MACROD2: variants seen among roughly 807,000 people sequenced by gnomAD.
MACROD2 encodes the protein mono-ADP ribosylhydrolase 2, also known as ADP-ribose glycohydrolase MACROD2.
In MACROD2, 36 loss-of-function variants were observed where a neutral mutation model predicts 70.4. That is an observed-to-expected ratio of 0.51 (90% confidence interval 0.39 to 0.68). The LOEUF is 0.68. Ranked by LOEUF, MACROD2 falls within the 30% of genes least tolerant of loss-of-function variation. MACROD2 has a pLI of 0.00. For missense variants in MACROD2, 496 were observed against 538.4 expected, an observed-to-expected ratio of 0.92 and a Z score of 0.78; for synonymous variants, 172 against 178.8, an observed-to-expected ratio of 0.96 and a Z score of 0.30.
At chr20:15,695,646 T>C (rs892764630) in intron 8 of MACROD2, among the ~76,000 whole-genome samples, 1 of 152,146 alleles carries the variant, frequency 6.6e-6, no homozygotes, top group African/African-American at 2.4e-5. Flanking sequence ...CCTGACCTCG[T>C]GATCCACCCG....
At chr20:14,710,501 T>A (rs1001530706) in intron 5 of MACROD2, among the ~76,000 whole-genome samples, 9 of 152,220 alleles carry the variant, frequency 5.9e-5, no homozygotes, top group Admixed American at 5.2e-4. Flanking sequence ...ATGGAACTTG[T>A]TATCACCACG....
At chr20:14,482,024 A>C (rs564110365) in intron 3 of MACROD2, among the ~76,000 whole-genome samples, 21 of 152,342 alleles carry the variant, frequency 1.4e-4, no homozygotes, top group Admixed American at 6.5e-4. Flanking sequence ...TTGGTGATTC[A>C]GAGCATAACT....
chr20:14,900,684 G>A (rs990542202), intron 5 of MACROD2, among the ~76,000 whole-genome samples: 1 of 151,668 alleles, frequency 6.6e-6, no homozygotes, highest in Admixed American at 6.6e-5. Flanking sequence ...TTTAGTAATT[G>A]AGCCCTTTTT....
At chr20:14,523,010 A>G (rs2085187527) in intron 4 of MACROD2, among the ~76,000 whole-genome samples, 1 of 152,166 alleles carries the variant, frequency 6.6e-6, no homozygotes, top group Non-Finnish European at 1.5e-5. Flanking sequence ...GAATTTCTCA[A>G]CTGTCTTATC....
At chr20:14,337,182 C>A (rs912019116) in intron 3 of MACROD2, among the ~76,000 whole-genome samples, 5 of 152,196 alleles carry the variant, frequency 3.3e-5, no homozygotes, top group Non-Finnish European at 7.3e-5. Context: ...TAGCCACTTA[C>A]TATCTTTTAT....
intron 5 of MACROD2, among the ~76,000 whole-genome samples, chr20:14,794,041 AGC>A (rs1254892603): frequency 6.6e-6 from 1 of 152,070 alleles, no homozygotes; most frequent in Admixed American, 6.6e-5. Context: ...AGCATCACAG[AGC>A]CAGGAATAGA....
Position 16,041,265 on chromosome 20 carries a change from T to C in MACROD2, c.1218T>C (p.Thr406=). ...AAGGCTCCAGTGACCTAGAAAATAC[T>C]CCAGGTCCTGATGGTAAGGTTCTGA... ...KSEGSSDLEN[T]PGPDVEMNSQ... is the part of the protein sequence containing the mutation. Residue 406 remains threonine, a synonymous_variant, in exon 16 of 18, where the codon ACT becomes ACC. Transcript: ENST00000684519. 2 of 1,611,946 alleles carry C rather than the reference T, an allele frequency of 1.2e-6. No individual in the cohort carries two copies. Among genetic ancestry groups the C allele is most frequent in the Non-Finnish European group, 1.7e-6 (2 of 1,178,810 alleles).
intron 5 of MACROD2, among the ~76,000 whole-genome samples, chr20:14,848,085 G>T (rs1252460011): frequency 6.6e-6 from 1 of 152,178 alleles, no homozygotes; most frequent in Non-Finnish European, 1.5e-5. Context: ...AAATACAAGA[G>T]ATGCAGCTAA....
At chr20:14,729,945 G>A (rs2071575101) in intron 5 of MACROD2, among the ~76,000 whole-genome samples, 1 of 152,004 alleles carries the variant, frequency 6.6e-6, no homozygotes, top group African/African-American at 2.4e-5. Flanking sequence ...CTTAAGAGGT[G>A]AGAGACTATA....
chr20:14,325,678 A>G lies in MACROD2; in HGVS notation c.272-167801A>G, dbSNP rs554650400. On this transcript the variant is annotated intron_variant, in intron 3 of 17. Transcript: ENST00000684519. ...ATTAGGAGGAAATATGGTGTGTATTACAAACTCCTCCTTCGAGATGGGTTC... is the reference window on the plus strand; with the variant it reads ...ATTAGGAGGAAATATGGTGTGTATTGCAAACTCCTCCTTCGAGATGGGTTC... The G allele has an allele frequency of 1.9e-5, 30 of 1,613,730 alleles. No homozygotes were observed. Among genetic ancestry groups the G allele is most frequent in the Non-Finnish European group, 2.0e-5 (24 of 1,179,804 alleles).
chr20:15,769,263 T>A (rs1274951615), intron 8 of MACROD2, among the ~76,000 whole-genome samples: 1 of 152,178 alleles, frequency 6.6e-6, no homozygotes, highest in Non-Finnish European at 1.5e-5. Flanking sequence ...TTCTCCTGCC[T>A]CAGCCTCTCG....
At chr20:15,601,276 G>T (rs142188472) in intron 8 of MACROD2, among the ~76,000 whole-genome samples, 2 of 152,090 alleles carry the variant, frequency 1.3e-5, no homozygotes, top group Non-Finnish European at 2.9e-5. Flanking sequence ...CCTCTCAGGA[G>T]CTCCTCTGTG....
chr20:15,649,170 TTC>T (rs1179043039), intron 8 of MACROD2, among the ~76,000 whole-genome samples: 1 of 144,432 alleles, frequency 6.9e-6, no homozygotes, highest in Non-Finnish European at 1.5e-5. Context: ...CTTTCTCTCT[TTC>T]TCTTTCTCCT....
chr20:14,933,613 G>A (rs1261813262), intron 5 of MACROD2, among the ~76,000 whole-genome samples: 5 of 150,718 alleles, frequency 3.3e-5, no homozygotes, highest in Non-Finnish European at 5.9e-5. Context: ...CTGGGTGACA[G>A]AGTGAGACCC....
At chr20:14,540,441 TA>T (rs1200034880) in intron 4 of MACROD2, among the ~76,000 whole-genome samples, 2 of 152,184 alleles carry the variant, frequency 1.3e-5, no homozygotes, top group Admixed American at 1.3e-4. Context: ...ATTTTTATAT[TA>T]AACAGAAAAA....
intron 8 of MACROD2, among the ~76,000 whole-genome samples, chr20:15,697,788 G>A (rs2050397430): frequency 1.3e-5 from 2 of 152,148 alleles, no homozygotes; most frequent in South Asian, 4.1e-4. Context: ...GTTAGACAAG[G>A]CCTTTTGCCA....
intron 5 of MACROD2, among the ~76,000 whole-genome samples, chr20:15,049,380 A>G (rs1426453152): frequency 6.6e-6 from 1 of 152,124 alleles, no homozygotes; most frequent in Non-Finnish European, 1.5e-5. Context: ...ATGTCTTTCT[A>G]AAGGCAGCTG....
At chr20:14,436,975 G>A (rs1436957404) in intron 3 of MACROD2, among the ~76,000 whole-genome samples, 1 of 152,160 alleles carries the variant, frequency 6.6e-6, no homozygotes, top group East Asian at 1.9e-4. Context: ...TGACAATGAA[G>A]TGGATTTTCA....
At chr20:15,546,036 A>C (rs879498391) in intron 8 of MACROD2, among the ~76,000 whole-genome samples, 13 of 152,322 alleles carry the variant, frequency 8.5e-5, no homozygotes, top group Admixed American at 7.8e-4. Context: ...GGATCACCTG[A>C]GGTCAGGAGT....
Sources: gnomAD v4.1 joint callset for allele counts (sites outside exome capture counted in the v4.1 genomes callset) on GRCh38, gnomAD v4.1.1 for gene constraint, MANE v1.5 for transcripts, NCBI Gene and HGNC (gene_info 2026-07-23, HGNC 2026-07-21) for gene names.